Variants in NAV3 observed in about 807,000 individuals in gnomAD.
The protein encoded by NAV3 is neuron navigator 3.
In NAV3, 87 loss-of-function variants were observed where a neutral mutation model predicts 244.7. That is an observed-to-expected ratio of 0.36 (90% CI 0.30 to 0.42). The LOEUF (loss-of-function observed/expected upper bound fraction) is 0.42, where lower values mean the gene tolerates loss of function less well. Among genes scored for constraint, NAV3 ranks in the 20% least tolerant of loss-of-function variants. NAV3 has a pLI of 1.00. For missense variants in NAV3, 2,663 were observed against 2,893.3 expected (o/e 0.92, Z 1.83); for synonymous variants, 1,126 against 1,042.2 (o/e 1.08, Z -1.55).
rs538474740 is a variant in NAV3 at position 77,706,429 on chromosome 12, T to G, written c.72+134163T>G. Among the ~76,000 whole-genome samples, 13 of 151,558 alleles carry G rather than the reference T, an allele frequency of 8.6e-5. No individual in the cohort carries two copies. In the South Asian group the frequency reaches 2.3e-3, roughly 27 times the overall value. On this transcript the variant is annotated intron_variant, in intron 2 of 8. Transcript: ENST00000550042. ...TCCATTCAATACATTGCTCTATGCC[T>G]TCAATCCACTATTGAGACCTACGTT...
chr12:77,877,602 A>C (rs562188812), intron 1 of NAV3, among the ~76,000 whole-genome samples: 1 of 152,288 alleles, frequency 6.6e-6, no homozygotes, highest in Non-Finnish European at 1.5e-5. Flanking sequence ...GGCTGGTGTC[A>C]AGTTTCCCAT....
At chr12:77,593,646 T>G (rs1287572568) in intron 2 of NAV3, among the ~76,000 whole-genome samples, 1 of 146,926 alleles carries the variant, frequency 6.8e-6, no homozygotes, top group Non-Finnish European at 1.5e-5. Context: ...TTTTTTTTTT[T>G]TGTATTTTTA....
intron 16 of NAV3, among the ~76,000 whole-genome samples, chr12:78,125,740 A>G (rs899345494): frequency 3.9e-5 from 6 of 152,194 alleles, no homozygotes; most frequent in Admixed American, 3.9e-4. Flanking sequence ...ATGTTAGAAA[A>G]TCATTAATAT....
intron 2 of NAV3, among the ~76,000 whole-genome samples, chr12:77,730,340 A>T (rs1877063262): frequency 6.6e-6 from 1 of 151,966 alleles, no homozygotes; most frequent in African/African-American, 2.4e-5. Context: ...AAATTTAAAA[A>T]GACATTTAGT....
intron 1 of NAV3, among the ~76,000 whole-genome samples, chr12:77,938,463 A>G (rs1272489): frequency 0.49 from 73,888 of 151,882 alleles, 18,811 homozygotes; most frequent in South Asian, 0.65. Context: ...TCTCACATAT[A>G]TTTTTCTTAT....
At chr12:77,622,243 T>C (rs1871404623) in intron 2 of NAV3, among the ~76,000 whole-genome samples, 1 of 152,020 alleles carries the variant, frequency 6.6e-6, no homozygotes, top group South Asian at 2.1e-4. Flanking sequence ...CACTGCAAGC[T>C]CCGCCTCCTG....
At chr12:77,871,797 G>A (rs768868773) in intron 1 of NAV3, among the ~76,000 whole-genome samples, 14 of 152,192 alleles carry the variant, frequency 9.2e-5, no homozygotes, top group Middle Eastern at 3.4e-3. Flanking sequence ...CATTGGGTAC[G>A]TACCCAGTAA....
chr12:78,013,289 G>A (rs1159472957), intron 8 of NAV3, among the ~76,000 whole-genome samples: 1 of 152,064 alleles, frequency 6.6e-6, no homozygotes, highest in East Asian at 1.9e-4. Context: ...CAAGCTCAAA[G>A]AGAACAACAA....
intron 2 of NAV3, among the ~76,000 whole-genome samples, chr12:77,695,772 C>T (rs182540428): frequency 5.9e-5 from 9 of 152,040 alleles, no homozygotes; most frequent in African/African-American, 1.7e-4. Context: ...TCTCTCTGAC[C>T]AGAAATTATA....
At chr12:77,646,809 C>T (rs1214564033) in intron 2 of NAV3, among the ~76,000 whole-genome samples, 4 of 151,872 alleles carry the variant, frequency 2.6e-5, no homozygotes, top group Non-Finnish European at 4.4e-5. Context: ...TAAATAAATA[C>T]AATAAAAATA....
chr12:77,755,320 T>C (rs1304394392), intron 2 of NAV3, among the ~76,000 whole-genome samples: 1 of 152,188 alleles, frequency 6.6e-6, no homozygotes, highest in Non-Finnish European at 1.5e-5. Flanking sequence ...TACATGACTT[T>C]AATTTAATAG....
intron 1 of NAV3, among the ~76,000 whole-genome samples, chr12:77,936,527 A>G (rs1420982556): frequency 1.3e-5 from 2 of 152,216 alleles, no homozygotes; most frequent in Non-Finnish European, 2.9e-5. Context: ...AATTATGATT[A>G]GTTTGATATT....
At chr12:78,117,013 G>T (rs1955416876) in intron 13 of NAV3, 109 bp downstream of exon 13, 4 of 1,254,926 alleles carry the variant, frequency 3.2e-6, no homozygotes, top group South Asian at 1.7e-5. Flanking sequence ...AATTATTACA[G>T]AAACTGGAAA....
intron 2 of NAV3, among the ~76,000 whole-genome samples, chr12:77,652,652 A>AGAC (rs1339563539): frequency 4.6e-5 from 7 of 152,214 alleles, no homozygotes; most frequent in Admixed American, 3.3e-4. Flanking sequence ...TAAATACCTG[A>AGAC]GACACAAGTA....
chr12:77,994,945 T>A, intron 6 of NAV3, 74 bp downstream of exon 6: 1 of 774,074 alleles, frequency 1.3e-6, no homozygotes, highest in Non-Finnish European at 1.9e-6. Context: ...TTGTCCTATC[T>A]TTTTTTTTTA....
intron 21 of NAV3, among the ~76,000 whole-genome samples, chr12:78,148,287 T>C (rs913925843): frequency 6.6e-6 from 1 of 152,020 alleles, no homozygotes; most frequent in Non-Finnish European, 1.5e-5. Context: ...CTCCAGCCAA[T>C]AACAATTTAA....
intron 2 of NAV3, among the ~76,000 whole-genome samples, chr12:77,778,406 G>A (rs994862375): frequency 4.0e-5 from 6 of 151,166 alleles, no homozygotes; most frequent in Admixed American, 1.3e-4. Context: ...AGGTCAGGAG[G>A]TCGAGACAAT....
At chr12:78,061,388 A>T (rs774915624) in intron 12 of NAV3, among the ~76,000 whole-genome samples, 33 of 152,198 alleles carry the variant, frequency 2.2e-4, no homozygotes, top group Non-Finnish European at 4.3e-4. Flanking sequence ...GATGGCACTA[A>T]TTTTTAAATT....
rs182479565 is a variant in NAV3 at position 78,166,966 on chromosome 12, A to C, written c.4870-1789A>C. On this transcript the variant is annotated intron_variant, in intron 23 of 39. Coordinates refer to ENST00000397909, the MANE Select transcript of NAV3 (RefSeq NM_001024383.2). ...AAAAACCTGATTTTAATTAGAATTT[A>C]ATATGCATTCTAGTATTTACGTTGT... Among the ~76,000 whole-genome samples, 63 of 151,936 alleles carry C rather than the reference A, an allele frequency of 4.1e-4. 1 individual carries two copies. In the East Asian group the frequency reaches 0.012, roughly 28 times the overall value.
Sources: gnomAD v4.1 joint callset for allele counts (sites outside exome capture counted in the v4.1 genomes callset) on GRCh38, gnomAD v4.1.1 for gene constraint, MANE v1.5 for transcripts, NCBI Gene and HGNC (gene_info 2026-07-23, HGNC 2026-07-21) for gene names.